The following KIAA1217 variants were observed in gnomAD, a reference collection of about 807,000 sequenced individuals.
The protein encoded by KIAA1217 is KIAA1217.
Under a neutral mutation model 163.9 loss-of-function variants are expected in KIAA1217, and 88 were observed. That is an observed-to-expected ratio of 0.54 (90% CI 0.45 to 0.64). KIAA1217 has a LOEUF of 0.64. KIAA1217 is among the 30% of genes least tolerant of loss of function. The pLI, the probability that KIAA1217 is intolerant of heterozygous loss-of-function variation, is 0.00. For synonymous variants in KIAA1217, 903 were observed against 923.1 expected (o/e 0.98, Z 0.39); for missense variants, 2,372 against 2,475.0 (o/e 0.96, Z 0.88).
Position 23,806,238 on chromosome 10 carries a change from T to C in KIAA1217, c.-321+111004T>C, listed in dbSNP as rs1324511198. On this transcript the variant is annotated intron_variant, in intron 1 of 18. Transcript: ENST00000376462. Reference sequence around the variant, plus strand: ...GTTGAGGAGAATGTTCCGCCGTTGCTGAGTTTATTCCATTATTGCCTGATA... The same window carrying C: ...GTTGAGGAGAATGTTCCGCCGTTGCCGAGTTTATTCCATTATTGCCTGATA... 3.3e-5 allele frequency among the ~76,000 whole-genome samples: 5 copies of C among 152,124 alleles called. No homozygotes were observed. In the East Asian group the frequency reaches 7.7e-4, roughly 23 times the overall value.
chr10:24,492,852 CT>C (rs34744228), intron 6 of KIAA1217, among the ~76,000 whole-genome samples: 43,772 of 146,558 alleles, frequency 0.3, 7,120 homozygotes, highest in African/African-American at 0.44. Flanking sequence ...GCCATCATTA[CT>C]TTTTTTTTTT....
chr10:24,163,169 C>T (rs1046657036), intron 2 of KIAA1217, among the ~76,000 whole-genome samples: 3 of 152,180 alleles, frequency 2.0e-5, no homozygotes, highest in Non-Finnish European at 2.9e-5. Context: ...TGGCCCCAGC[C>T]TTCGATATAA....
At chr10:24,383,682 G>A (rs1021553943) in intron 3 of KIAA1217, among the ~76,000 whole-genome samples, 2 of 152,214 alleles carry the variant, frequency 1.3e-5, no homozygotes, top group Non-Finnish European at 2.9e-5. Context: ...AAGGAACACA[G>A]TAAGAGGAGA....
intron 12 of KIAA1217, among the ~76,000 whole-genome samples, 166 bp from the exon 13 acceptor site, chr10:24,524,157 A>G (rs2071736493): frequency 6.6e-6 from 1 of 152,190 alleles, no homozygotes; most frequent in South Asian, 2.1e-4. Context: ...GGGTCTGAGC[A>G]CAACTGCACC....
chr10:24,096,407 G>C (rs2062164003), intron 2 of KIAA1217, among the ~76,000 whole-genome samples: 2 of 152,114 alleles, frequency 1.3e-5, no homozygotes, highest in South Asian at 4.1e-4. Context: ...CTCCTATTTA[G>C]TCACCCAGTA....
At chr10:24,351,538 A>T (rs1487642785) in intron 2 of KIAA1217, among the ~76,000 whole-genome samples, 1 of 152,078 alleles carries the variant, frequency 6.6e-6, no homozygotes, top group East Asian at 1.9e-4. Context: ...GTGGAAGGAG[A>T]GCTGGAGAGC....
At chr10:24,348,338 A>AAAAAT (rs68058856) in intron 2 of KIAA1217, among the ~76,000 whole-genome samples, 5 of 151,266 alleles carry the variant, frequency 3.3e-5, no homozygotes, top group South Asian at 4.2e-4. Context: ...ACCCTGTCAC[A>AAAAAT]AAAATAAAAT....
chr10:23,946,575 T>C (rs543237667), intron 1 of KIAA1217, among the ~76,000 whole-genome samples: 1 of 152,274 alleles, frequency 6.6e-6, no homozygotes, highest in African/African-American at 2.4e-5. Flanking sequence ...TAAAAAACAG[T>C]ATGGCACTGT....
chr10:23,765,217 C>T (rs1488688498), intron 1 of KIAA1217, among the ~76,000 whole-genome samples: 9 of 61,528 alleles, frequency 1.5e-4, no homozygotes, highest in South Asian at 4.5e-4. Context: ...TTTTTTGAGA[C>T]GGAGTCTTGC....
At position 24,513,425 on chromosome 10, in the gene KIAA1217, A is replaced by G. The variant is rs771905765; in HGVS notation, c.2168A>G (p.Lys723Arg). Residue 723 changes from lysine (K) to arginine (R), a missense_variant, in exon 10 of 21, where the codon AAG becomes AGG. This residue lies in a region of KIAA1217 where 1,431 missense variants were observed against 1,470.3 expected (regional missense o/e 0.97). Coordinates refer to ENST00000376454, the MANE Select transcript of KIAA1217 (RefSeq NM_019590.5). ...KYLHEEEKIV[K>R]KLCELEDFVE... ...CTTCATGAGGAAGAGAAGATCGTCA[A>G]GAAGTTGTGGTGAGTGCCAGTCACT... 6.8e-6 allele frequency: 11 copies of G among 1,614,156 alleles called. No homozygotes were observed. The highest frequency in any genetic ancestry group is 1.3e-5 in the African/African-American group (1 of 75,072).
chr10:23,943,703 T>G (rs372595101), intron 1 of KIAA1217, among the ~76,000 whole-genome samples: 1 of 152,224 alleles, frequency 6.6e-6, no homozygotes, highest in East Asian at 1.9e-4. Flanking sequence ...GGAAAATCCA[T>G]ACTACCTGAT....
At chr10:24,266,633 TG>T (rs2076262137) in intron 2 of KIAA1217, among the ~76,000 whole-genome samples, 2 of 152,164 alleles carry the variant, frequency 1.3e-5, no homozygotes, top group African/African-American at 4.8e-5. Context: ...ATTAGTGCTC[TG>T]TAAAACACAC....
intron 2 of KIAA1217, among the ~76,000 whole-genome samples, chr10:24,107,074 C>T (rs2062660312): frequency 6.6e-6 from 1 of 152,078 alleles, no homozygotes; most frequent in African/African-American, 2.4e-5. Context: ...TCTGTTGTTC[C>T]CTTGATTTTG....
At chr10:23,748,461 CAAGGAAGGAAGG>C (rs763422691) in intron 1 of KIAA1217, among the ~76,000 whole-genome samples, 10 of 133,630 alleles carry the variant, frequency 7.5e-5, no homozygotes, top group East Asian at 6.6e-4. Flanking sequence ...AGGAAGGAAG[CAAGGAAGGAAGG>C]AAGGAAGGAA....
At position 24,259,542 on chromosome 10, in the gene KIAA1217, G is replaced by C. The variant is rs544863445; in HGVS notation, c.354+39633G>C. 9.2e-5 allele frequency among the ~76,000 whole-genome samples: 14 copies of C among 152,334 alleles called. No homozygotes were observed. The South Asian group carries it at 2.9e-3, about 32-fold the overall frequency. ...AGGTGGGAGGATTGCTTAAGCCCTG[G>C]TGGTTGCAGATGCGATGAGCTATGA... is the stretch of plus-strand genomic sequence containing the variant. On this transcript the variant is annotated intron_variant, in intron 2 of 20. Coordinates refer to ENST00000376454, the MANE Select transcript of KIAA1217 (RefSeq NM_019590.5).
chr10:23,992,607 CTTTTTT>C (rs368335847), intron 1 of KIAA1217, among the ~76,000 whole-genome samples: 1 of 127,928 alleles, frequency 7.8e-6, no homozygotes. Flanking sequence ...GCCATCATTT[CTTTTTT>C]TTTTTTTTTT....
At chr10:24,048,372 CTG>C (rs1849201625) in intron 2 of KIAA1217, among the ~76,000 whole-genome samples, 1 of 152,214 alleles carries the variant, frequency 6.6e-6, no homozygotes, top group South Asian at 2.1e-4. Flanking sequence ...TGAGCTATGA[CTG>C]TGTGAATATG....
intron 1 of KIAA1217, among the ~76,000 whole-genome samples, chr10:23,864,493 T>C (rs1007217754): frequency 3.4e-5 from 5 of 146,964 alleles, no homozygotes; most frequent in Non-Finnish European, 7.4e-5. Flanking sequence ...CTAGATTTTT[T>C]CCATTCTCCT....
At chr10:24,354,486 C>A (rs1177103852) in intron 2 of KIAA1217, among the ~76,000 whole-genome samples, 1 of 152,226 alleles carries the variant, frequency 6.6e-6, no homozygotes, top group Non-Finnish European at 1.5e-5. Context: ...CTGCACACAG[C>A]TTAAGTGTTA....
Sources: gnomAD v4.1 joint callset for allele counts (sites outside exome capture counted in the v4.1 genomes callset) on GRCh38, gnomAD v4.1.1 for gene constraint, gnomAD v4.1.1 regional missense constraint, MANE v1.5 for transcripts, NCBI Gene and HGNC (gene_info 2026-07-23, HGNC 2026-07-21) for gene names.